PDE7A: variants seen among roughly 807,000 people sequenced by gnomAD.
PDE7A encodes the protein phosphodiesterase 7A.
In PDE7A, 39 loss-of-function variants were observed where a neutral mutation model predicts 64.3. The ratio of observed to expected loss-of-function variants is 0.61; its 90% CI spans 0.47 to 0.79. The LOEUF (loss-of-function observed/expected upper bound fraction) is 0.79, where lower values mean the gene tolerates loss of function less well. Among genes scored for constraint, PDE7A ranks in the 30% least tolerant of loss-of-function variants. PDE7A has a pLI of 0.00. For synonymous variants in PDE7A, 203 were observed against 206.8 expected, an observed-to-expected ratio of 0.98 and a Z score of 0.16; for missense variants, 470 against 582.8, an observed-to-expected ratio of 0.81 and a Z score of 1.99.
At position 65,765,485 on chromosome 8, in the gene PDE7A, T is replaced by C. The variant is rs1346671761; in HGVS notation, c.283+14235A>G. 14 of 42,408 alleles carry C rather than the reference T, an allele frequency of 3.3e-4. No individual in the cohort carries two copies. The East Asian group carries it at 6.9e-3, about 21-fold the overall frequency. 2.6% of individuals were successfully genotyped at this position (42,408 alleles called of 1,614,324 possible). On this transcript the variant is annotated intron_variant, in intron 3 of 12. Transcript: ENST00000401827. ...GCCTGGGCGACAGAGCGAGACTCCG[T>C]CTCAAAAAAAAAAAAAAAAAAAAAA...
chr8:65,719,296 T>G lies in PDE7A; in HGVS notation c.1443A>C (p.Leu481Phe). The change falls in exon 13 of 13, where the codon TTA (leucine) becomes TTC (phenylalanine). Residue 481 changes from leucine to phenylalanine, a missense_variant. Coordinates refer to ENST00000401827, the MANE Select transcript of PDE7A (RefSeq NM_001242318.3). ...NSQLLPQENR[L>F]S The stretch of plus-strand genomic sequence containing the variant: ...GTCCCACTGGTTCTGGGGGTTATGA[T>G]AACCGATTTTCCTGAGGTAATAACT... The G allele has an allele frequency of 6.2e-7, 1 of 1,612,644 alleles. No individual in the cohort carries two copies. Among genetic ancestry groups the G allele is most frequent in the Non-Finnish European group, 8.5e-7 (1 of 1,178,616 alleles).
At chr8:65,804,510 T>C (rs1257321213) in intron 1 of PDE7A, among the ~76,000 whole-genome samples, 5 of 151,586 alleles carry the variant, frequency 3.3e-5, no homozygotes, top group Admixed American at 2.0e-4. Flanking sequence ...AAATAAGTAA[T>C]TTGAGAAAGC....
Position 65,718,241 on chromosome 8 carries a change from C to T in PDE7A, c.*1049G>A, listed in dbSNP as rs1358472747. On this transcript the variant is annotated 3_prime_UTR_variant, in exon 13 of 13. Coordinates refer to ENST00000401827, the MANE Select transcript of PDE7A (RefSeq NM_001242318.3). Reference sequence around the variant, plus strand: ...AGCTTACATTTCAAATCTTTGCCCACATGGAGAAACATAACATGCACAGTC... The same window carrying T: ...AGCTTACATTTCAAATCTTTGCCCATATGGAGAAACATAACATGCACAGTC... 1 of 152,220 alleles carries T rather than the reference C, an allele frequency of 6.6e-6. No individual in the cohort carries two copies. Among genetic ancestry groups the T allele is most frequent in the East Asian group, 1.9e-4 (1 of 5,200 alleles). The allele number at this position is 152,220 out of a possible 1,614,324, so 9.4% of individuals were successfully genotyped here. A position where few individuals can be genotyped will look rare whatever the true frequency, so the allele number is the denominator to read the frequency against.
chr8:65,764,885 T>C (rs72666546), intron 3 of PDE7A, among the ~76,000 whole-genome samples: 1 of 152,254 alleles, frequency 6.6e-6, no homozygotes, highest in Non-Finnish European at 1.5e-5. Flanking sequence ...ATGAGACACA[T>C]GATTCAACAG....
intron 3 of PDE7A, among the ~76,000 whole-genome samples, chr8:65,756,377 T>G (rs1481849293): frequency 2.0e-5 from 3 of 152,220 alleles, no homozygotes; most frequent in Non-Finnish European, 4.4e-5. Flanking sequence ...CAGTGATTCA[T>G]GTATTGGTAC....
At chr8:65,803,364 T>C (rs1810040072) in intron 1 of PDE7A, among the ~76,000 whole-genome samples, 1 of 152,322 alleles carries the variant, frequency 6.6e-6, no homozygotes, top group Non-Finnish European at 1.5e-5. Context: ...AGATTCATTA[T>C]CAAGTAAAAG....
intron 1 of PDE7A, among the ~76,000 whole-genome samples, chr8:65,818,348 CA>C (rs1295056676): frequency 6.6e-6 from 1 of 152,004 alleles, no homozygotes; most frequent in Non-Finnish European, 1.5e-5. Context: ...GTAGTGTTGC[CA>C]TTTTGTTTTT....
At chr8:65,834,702 T>A (rs1446692522) in intron 1 of PDE7A, among the ~76,000 whole-genome samples, 4 of 152,174 alleles carry the variant, frequency 2.6e-5, no homozygotes, top group Non-Finnish European at 5.9e-5. Context: ...TCCATCTCCC[T>A]CTAGCCATCA....
chr8:65,822,398 G>A (rs1455999228), intron 1 of PDE7A, among the ~76,000 whole-genome samples: 1 of 152,198 alleles, frequency 6.6e-6, no homozygotes, highest in African/African-American at 2.4e-5. Context: ...ATTGTGGGAA[G>A]GAGAAAAAGG....
intron 12 of PDE7A, among the ~76,000 whole-genome samples, chr8:65,720,069 G>GA (rs1413160919): frequency 2.0e-5 from 3 of 152,232 alleles, no homozygotes; most frequent in East Asian, 3.9e-4. Flanking sequence ...TGGGGTTAGT[G>GA]AAAAAATCAT....
chr8:65,735,074 C>G (rs1177102832), intron 6 of PDE7A, among the ~76,000 whole-genome samples, 180 bp from the exon 7 acceptor site: 1 of 152,104 alleles, frequency 6.6e-6, no homozygotes, highest in Non-Finnish European at 1.5e-5. Context: ...GAATCAATAT[C>G]AATTTGACTC....
intron 1 of PDE7A, among the ~76,000 whole-genome samples, chr8:65,809,005 T>TAGAG (rs1481692091): frequency 6.6e-6 from 1 of 152,226 alleles, no homozygotes; most frequent in Non-Finnish European, 1.5e-5. Context: ...GCATAACCTC[T>TAGAG]ACTCCTAAAG....
chr8:65,766,408 CT>C (rs1808787160), intron 3 of PDE7A, among the ~76,000 whole-genome samples: 1 of 152,212 alleles, frequency 6.6e-6, no homozygotes, highest in African/African-American at 2.4e-5. Context: ...ACTGAAGTTA[CT>C]TACTCAAAAG....
At chr8:65,729,776 C>G (rs1298370096) in intron 7 of PDE7A, among the ~76,000 whole-genome samples, 5 of 151,496 alleles carry the variant, frequency 3.3e-5, no homozygotes, top group Non-Finnish European at 7.4e-5. Flanking sequence ...ACCATGTTGG[C>G]CAGGCTGGTC....
At chr8:65,830,941 G>GA (rs148253561) in intron 1 of PDE7A, among the ~76,000 whole-genome samples, 9,603 of 149,588 alleles carry the variant, frequency 0.064, 383 homozygotes, top group Middle Eastern at 0.11. Flanking sequence ...ACAGTTCAAA[G>GA]AAAAAAAAAG....
At chr8:65,798,206 A>ATATATATATATATTTTTTTTTTT in intron 1 of PDE7A, among the ~76,000 whole-genome samples, 1 of 73,834 alleles carries the variant, frequency 1.4e-5, no homozygotes, top group African/African-American at 5.8e-5. Context: ...ATATATATAT[A>ATATATATATATATTTTTTTTTTT]TTTTTTTTTT....
intron 1 of PDE7A, chr8:65,838,362 G>A (rs1019709650): frequency 2.6e-5 from 4 of 152,018 alleles, no homozygotes; most frequent in African/African-American, 9.7e-5. Context: ...ATCCAAAAAC[G>A]ACAAAGAACA....
At chr8:65,819,084 C>G (rs1394140660) in intron 1 of PDE7A, among the ~76,000 whole-genome samples, 1 of 152,196 alleles carries the variant, frequency 6.6e-6, no homozygotes, top group Non-Finnish European at 1.5e-5. Context: ...CTCCAGAGCA[C>G]TGAAATGGCT....
At chr8:65,773,813 C>T (rs1809180656) in intron 3 of PDE7A, among the ~76,000 whole-genome samples, 2 of 151,968 alleles carry the variant, frequency 1.3e-5, no homozygotes, top group Non-Finnish European at 2.9e-5. Flanking sequence ...CCCACTAAAA[C>T]GTCCCATTAT....
Sources: gnomAD v4.1 joint callset for allele counts (sites outside exome capture counted in the v4.1 genomes callset) on GRCh38, gnomAD v4.1.1 for gene constraint, MANE v1.5 for transcripts, NCBI Gene and HGNC (gene_info 2026-07-23, HGNC 2026-07-21) for gene names.